KCNQ5: variants seen among roughly 807,000 people sequenced by gnomAD.
KCNQ5 encodes the protein potassium voltage-gated channel subfamily KQT member 5.
Under a neutral mutation model 98.2 loss-of-function variants are expected in KCNQ5, and 30 were observed. That is an observed-to-expected ratio of 0.31 (90% CI 0.23 to 0.41). The LOEUF (loss-of-function observed/expected upper bound fraction) is 0.41, where lower values mean the gene tolerates loss of function less well. Among genes scored for constraint, KCNQ5 ranks in the 10% least tolerant of loss-of-function variants. The pLI is 1.00. For synonymous variants in KCNQ5, 458 were observed against 449.4 expected (o/e 1.02, Z -0.24); for missense variants, 835 against 1,182.5 (o/e 0.71, Z 4.31).
intron 9 of KCNQ5, among the ~76,000 whole-genome samples, chr6:73,130,096 T>A (rs1421915427): frequency 6.6e-6 from 1 of 152,246 alleles, no homozygotes. Flanking sequence ...CTTTGGCGCC[T>A]CCTTGTGGTT....
intron 10 of KCNQ5, 92 bp downstream of exon 10, chr6:73,133,733 G>A (rs1776338040): frequency 1.8e-6 from 2 of 1,121,964 alleles, no homozygotes; most frequent in Admixed American, 4.4e-5. Flanking sequence ...GCCACTTGAA[G>A]AAAGAAGAAA....
At chr6:72,644,713 A>C (rs544924522) in intron 1 of KCNQ5, among the ~76,000 whole-genome samples, 1 of 152,236 alleles carries the variant, frequency 6.6e-6, no homozygotes, top group African/African-American at 2.4e-5. Context: ...ACCTTTTATC[A>C]TAACCCTCTT....
chr6:73,012,384 A>G (rs926507361), intron 2 of KCNQ5, among the ~76,000 whole-genome samples: 7 of 152,170 alleles, frequency 4.6e-5, no homozygotes, highest in African/African-American at 1.7e-4. Flanking sequence ...ATAATGTATG[A>G]TTCCACTTAT....
chr6:72,672,053 T>G (rs1290354991), intron 1 of KCNQ5, among the ~76,000 whole-genome samples: 2 of 151,292 alleles, frequency 1.3e-5, no homozygotes, highest in African/African-American at 4.9e-5. Flanking sequence ...TCTGACCTCA[T>G]GATCCGCCCG....
chr6:72,685,692 G>A (rs1429878203), intron 1 of KCNQ5, among the ~76,000 whole-genome samples: 2 of 152,148 alleles, frequency 1.3e-5, no homozygotes, highest in Non-Finnish European at 2.9e-5. Context: ...TCAAATGGAT[G>A]TGAACTAATT....
intron 3 of KCNQ5, among the ~76,000 whole-genome samples, chr6:73,051,064 C>T (rs1249344799): frequency 2.0e-5 from 3 of 152,134 alleles, no homozygotes; most frequent in Admixed American, 6.5e-5. Context: ...TGTGTATGAA[C>T]GTAAGTTTTT....
chr6:73,152,897 T>C (rs1042504199), intron 10 of KCNQ5, among the ~76,000 whole-genome samples: 1 of 152,184 alleles, frequency 6.6e-6, no homozygotes, highest in Non-Finnish European at 1.5e-5. Flanking sequence ...CAGGTTGTGG[T>C]GGATCCTCAA....
chr6:72,855,226 A>T (rs1582416697), intron 1 of KCNQ5, among the ~76,000 whole-genome samples: 1 of 152,138 alleles, frequency 6.6e-6, no homozygotes, highest in Admixed American at 6.5e-5. Context: ...TTTAAACACG[A>T]TAAATTAAAA....
chr6:72,877,054 A>T (rs978034622), intron 1 of KCNQ5, among the ~76,000 whole-genome samples: 20 of 151,348 alleles, frequency 1.3e-4, no homozygotes, highest in Middle Eastern at 3.4e-3. Flanking sequence ...ATTTTTTTTT[A>T]ATTTTGTTTT....
chr6:72,894,690 G>A (rs1413457615), intron 1 of KCNQ5, among the ~76,000 whole-genome samples: 3 of 152,100 alleles, frequency 2.0e-5, no homozygotes, highest in Non-Finnish European at 4.4e-5. Context: ...TAAAAAGATT[G>A]TATAATGAAC....
chr6:73,126,549 G>T (rs560552923), intron 9 of KCNQ5, among the ~76,000 whole-genome samples: 1 of 152,106 alleles, frequency 6.6e-6, no homozygotes, highest in Non-Finnish European at 1.5e-5. Context: ...TATGATGTTC[G>T]CATATATCTA....
At chr6:73,084,166 A>G (rs911459127) in intron 5 of KCNQ5, among the ~76,000 whole-genome samples, 1 of 152,150 alleles carries the variant, frequency 6.6e-6, no homozygotes, top group African/African-American at 2.4e-5. Context: ...TTGCACCCTA[A>G]TGCCATATGC....
chr6:72,677,186 T>C (rs549524647), intron 1 of KCNQ5: 1 of 152,380 alleles, frequency 6.6e-6, no homozygotes, highest in Admixed American at 6.5e-5. Context: ...AGCCAGGACT[T>C]ACTCACATCA....
At chr6:73,070,895 CA>C (rs2150384980) in intron 3 of KCNQ5, among the ~76,000 whole-genome samples, 1 of 152,248 alleles carries the variant, frequency 6.6e-6, no homozygotes, top group Admixed American at 6.5e-5. Flanking sequence ...ACCTTTACCA[CA>C]AAGACTATTC....
chr6:73,072,819 C>A (rs1338096835), intron 3 of KCNQ5, among the ~76,000 whole-genome samples: 1 of 152,154 alleles, frequency 6.6e-6, no homozygotes, highest in Admixed American at 6.5e-5. Flanking sequence ...ATCAATAGCT[C>A]TTTCTTCACT....
chr6:72,798,482 A>G (rs1310579218), intron 1 of KCNQ5, among the ~76,000 whole-genome samples: 1 of 152,166 alleles, frequency 6.6e-6, no homozygotes, highest in Non-Finnish European at 1.5e-5. Flanking sequence ...TCTCACTTGC[A>G]TGTGCTCTCC....
intron 1 of KCNQ5, among the ~76,000 whole-genome samples, chr6:72,881,337 T>A (rs1406354889): frequency 6.6e-6 from 1 of 152,188 alleles, no homozygotes; most frequent in Admixed American, 6.5e-5. Context: ...AGAACAGAAT[T>A]AGAGGTAATG....
chr6:73,055,452 C>T, intron 3 of KCNQ5: 2 of 1,547,144 alleles, frequency 1.3e-6, no homozygotes, highest in Non-Finnish European at 1.8e-6. Flanking sequence ...TATGATGTCC[C>T]ACCACCTCCG....
chr6:73,006,250 A>T (rs1218867867), intron 2 of KCNQ5, among the ~76,000 whole-genome samples: 1 of 152,148 alleles, frequency 6.6e-6, no homozygotes, highest in Non-Finnish European at 1.5e-5. Flanking sequence ...CTCATAGAAC[A>T]CGATTCTGAT....
Sources: allele counts gnomAD v4.1 joint callset (sites outside exome capture counted in the v4.1 genomes callset), GRCh38; gene constraint gnomAD v4.1.1; transcripts MANE v1.5; gene names NCBI Gene and HGNC (gene_info 2026-07-23, HGNC 2026-07-21).